Variants in EPB41L4B observed in about 807,000 individuals in gnomAD.
EPB41L4B encodes erythrocyte membrane protein band 4.1 like 4B.
EPB41L4B carries 30 observed loss-of-function variants against 112.5 expected under a neutral mutation model. The observed-to-expected ratio is 0.27, with a 90% CI of 0.20 to 0.36. The LOEUF is 0.36. EPB41L4B is among the 10% of genes least tolerant of loss of function. EPB41L4B has a pLI of 1.00. For synonymous variants in EPB41L4B, 408 were observed against 439.7 expected (o/e 0.93, Z 0.90); for missense variants, 1,024 against 1,133.3 (o/e 0.90, Z 1.38).
chr9:109,267,481 C>T lies in EPB41L4B; in HGVS notation c.525G>A (p.Glu175=). 1 of 1,612,394 alleles carries T rather than the reference C, an allele frequency of 6.2e-7. No homozygotes were observed. Among genetic ancestry groups the T allele is most frequent in the Non-Finnish European group, 8.5e-7 (1 of 1,178,610 alleles). The change falls in exon 4 of 26, where the codon GAG becomes GAA. Residue 175 remains glutamate, a synonymous_variant. Coordinates refer to ENST00000374566, the MANE Select transcript of EPB41L4B (RefSeq NM_019114.5). ...YSSEPNNLRE[E]FTRYLFVLQL... ...TCTGCATCGTGGCCTACCTTGTAAACTCCTCACGAAGGTTGTTTGGTTCTG... is the reference window on the plus strand; with the variant it reads ...TCTGCATCGTGGCCTACCTTGTAAATTCCTCACGAAGGTTGTTTGGTTCTG...
intron 1 of EPB41L4B, among the ~76,000 whole-genome samples, chr9:109,310,661 C>G (rs1837384605): frequency 6.6e-6 from 1 of 152,082 alleles, no homozygotes; most frequent in African/African-American, 2.4e-5. Context: ...CAGAAGAGTC[C>G]CAGGGAAGAG....
rs556124821 is a variant in EPB41L4B, at chr9:109,239,814, C to A, written c.1409+3804G>T. 385 of 985,422 alleles carry A rather than the reference C, an allele frequency of 3.9e-4. 3 individuals are homozygous for A. The South Asian group carries it at 0.013, about 34-fold the overall frequency. The allele number at this position is 985,422 out of a possible 1,614,324, so 61.0% of individuals were successfully genotyped here. On this transcript the variant is annotated intron_variant, in intron 15 of 25. Transcript: ENST00000374566. Reference sequence around the variant, plus strand: ...CCACAGATAAGGGTTTGGATGCCTTCCTGCCAGGAAGAGCACAAGTAGCCA... The same window carrying A: ...CCACAGATAAGGGTTTGGATGCCTTACTGCCAGGAAGAGCACAAGTAGCCA...
At chr9:109,297,206 G>A (rs1836765691) in intron 1 of EPB41L4B, among the ~76,000 whole-genome samples, 1 of 141,406 alleles carries the variant, frequency 7.1e-6, no homozygotes, top group African/African-American at 2.5e-5. Context: ...GGGGGGTGGG[G>A]GGGGATCTGC....
chr9:109,320,327 G>GC lies in EPB41L4B; in HGVS notation c.119dup (p.Ala42GlyfsTer71). The GC allele has an allele frequency of 1.0e-6, 1 of 991,118 alleles. No individual in the cohort carries two copies. Among genetic ancestry groups the GC allele is most frequent in the Non-Finnish European group, 1.2e-6 (1 of 835,112 alleles). 61.4% of individuals were successfully genotyped at this position (991,118 alleles called of 1,614,324 possible). ...CCGAGGAGGAGGCGGCGGCGGCCGG[G>GC]CCCCCCCGTGGCCCCCCATCGCGCT... On this transcript the variant is annotated frameshift_variant, in exon 1 of 26. Coordinates refer to ENST00000374566, the MANE Select transcript of EPB41L4B (RefSeq NM_019114.5). LOFTEE classifies it high-confidence loss of function.
At chr9:109,288,000 C>A (rs559873972) in intron 1 of EPB41L4B, among the ~76,000 whole-genome samples, 2 of 152,250 alleles carry the variant, frequency 1.3e-5, no homozygotes, top group Non-Finnish European at 2.9e-5. Flanking sequence ...CAGCAACAGG[C>A]CCCTAAGTGG....
chr9:109,282,724 CTT>C (rs1390963810), intron 1 of EPB41L4B, among the ~76,000 whole-genome samples: 1 of 152,122 alleles, frequency 6.6e-6, no homozygotes, highest in Non-Finnish European at 1.5e-5. Context: ...GAGTTTTGCT[CTT>C]GTCGCCCAGC....
At chr9:109,258,892 C>G (rs1427342037) in intron 6 of EPB41L4B, among the ~76,000 whole-genome samples, 1 of 152,120 alleles carries the variant, frequency 6.6e-6, no homozygotes, top group African/African-American at 2.4e-5. Context: ...GAGGGAGGAG[C>G]AGCCACACGA....
chr9:109,209,711 A>G (rs1833098386), intron 17 of EPB41L4B, among the ~76,000 whole-genome samples: 1 of 151,986 alleles, frequency 6.6e-6, no homozygotes, highest in African/African-American at 2.4e-5. Context: ...ATATACTGAG[A>G]GCTTATTATG....
chr9:109,264,938 T>C (rs773484594), intron 5 of EPB41L4B, 42 bp downstream of exon 5: 2 of 1,514,446 alleles, frequency 1.3e-6, no homozygotes, highest in South Asian at 2.6e-5. Context: ...AAATACACTA[T>C]GATCTATCCT....
At chr9:109,313,707 C>T (rs1334458525) in intron 1 of EPB41L4B, among the ~76,000 whole-genome samples, 1 of 152,124 alleles carries the variant, frequency 6.6e-6, no homozygotes, top group Admixed American at 6.5e-5. Context: ...GGCTAACAAG[C>T]ACTGGGGGCT....
intron 2 of EPB41L4B, among the ~76,000 whole-genome samples, chr9:109,269,527 C>T (rs967097141): frequency 3.3e-5 from 5 of 152,180 alleles, no homozygotes; most frequent in Admixed American, 1.3e-4. Context: ...GGCCAGGGAC[C>T]GTGCACTTAA....
chr9:109,288,391 T>C (rs1030856167), intron 1 of EPB41L4B, among the ~76,000 whole-genome samples: 2 of 151,822 alleles, frequency 1.3e-5, no homozygotes, highest in Non-Finnish European at 2.9e-5. Flanking sequence ...CAGACCAACC[T>C]GGGCAAGACA....
intron 1 of EPB41L4B, among the ~76,000 whole-genome samples, chr9:109,283,605 T>C (rs1285996434): frequency 6.6e-6 from 1 of 152,102 alleles, no homozygotes; most frequent in Non-Finnish European, 1.5e-5. Flanking sequence ...ACAAGGAAAA[T>C]TTTAATGACA....
intron 1 of EPB41L4B, among the ~76,000 whole-genome samples, chr9:109,314,251 C>T (rs954772367): frequency 1.3e-5 from 2 of 152,178 alleles, no homozygotes; most frequent in African/African-American, 2.4e-5. Context: ...AAATGGTAGG[C>T]GGAGGATTTC....
chr9:109,206,675 G>A (rs940049680), intron 18 of EPB41L4B, among the ~76,000 whole-genome samples: 1 of 152,132 alleles, frequency 6.6e-6, no homozygotes, highest in African/African-American at 2.4e-5. Context: ...AAGAGTCATG[G>A]TCCACCAGGG....
At chr9:109,224,576 T>A (rs559685126) in intron 15 of EPB41L4B, among the ~76,000 whole-genome samples, 1 of 152,202 alleles carries the variant, frequency 6.6e-6, no homozygotes, top group African/African-American at 2.4e-5. Flanking sequence ...TGACTGCTAA[T>A]GGGTGTGGAG....
At chr9:109,298,505 G>T (rs1253893281) in intron 1 of EPB41L4B, among the ~76,000 whole-genome samples, 3 of 152,000 alleles carry the variant, frequency 2.0e-5, no homozygotes, top group Non-Finnish European at 2.9e-5. Context: ...GTAGAGACAG[G>T]GTTTCACCAT....
Position 109,225,330 on chromosome 9 carries a change from C to T in EPB41L4B, c.1410-8185G>A, listed in dbSNP as rs116113929. 7.9e-3 allele frequency among the ~76,000 whole-genome samples: 1,210 copies of T among 152,274 alleles called. 14 individuals carry two copies. The highest frequency in any genetic ancestry group is 0.028 in the African/African-American group (1,157 of 41,556). Reference sequence around the variant, plus strand: ...ATGTTATCTTTGCCCTGTATTAGTCCGTTTTCACACTGCTGGTAAAGACAT... The same window carrying T: ...ATGTTATCTTTGCCCTGTATTAGTCTGTTTTCACACTGCTGGTAAAGACAT... On this transcript the variant is annotated intron_variant, in intron 15 of 25. Coordinates refer to ENST00000374566, the MANE Select transcript of EPB41L4B (RefSeq NM_019114.5).
At chr9:109,276,011 C>A (rs1255987079) in intron 2 of EPB41L4B, among the ~76,000 whole-genome samples, 2 of 149,538 alleles carry the variant, frequency 1.3e-5, no homozygotes, top group African/African-American at 2.4e-5. Flanking sequence ...GGTCCTAAGT[C>A]TTAGGATCTA....
Sources: gnomAD v4.1 joint callset for allele counts (sites outside exome capture counted in the v4.1 genomes callset) on GRCh38, gnomAD v4.1.1 for gene constraint, MANE v1.5 for transcripts, NCBI Gene and HGNC (gene_info 2026-07-23, HGNC 2026-07-21) for gene names.